Variants in ERBB4 observed in about 807,000 individuals in gnomAD.
ERBB4 encodes receptor tyrosine-protein kinase erbB-4.
ERBB4 carries 42 observed loss-of-function variants against 158.0 expected under a neutral mutation model. The ratio of observed to expected loss-of-function variants is 0.27; its 90% confidence interval spans 0.21 to 0.34. The LOEUF is 0.34. ERBB4 is among the 10% of genes least tolerant of loss of function. The pLI is 1.00. For synonymous variants in ERBB4, 583 were observed against 558.7 expected, an observed-to-expected ratio of 1.04 and a Z score of -0.61; for missense variants, 1,333 against 1,624.1, an observed-to-expected ratio of 0.82 and a Z score of 3.08.
At chr2:211,978,363 AGTCTGTCT>A (rs36173850) in intron 2 of ERBB4, among the ~76,000 whole-genome samples, 21 of 135,264 alleles carry the variant, frequency 1.6e-4, no homozygotes, top group Non-Finnish European at 2.6e-4. Context: ...AAGGAGTCTG[AGTCTGTCT>A]GTCTGTCTGT....
At chr2:211,724,788 T>C (rs2074214777) in intron 6 of ERBB4, among the ~76,000 whole-genome samples, 1 of 152,162 alleles carries the variant, frequency 6.6e-6, no homozygotes. Flanking sequence ...ACCGCATTAC[T>C]GGAAAGGATG....
intron 2 of ERBB4, among the ~76,000 whole-genome samples, chr2:212,006,529 A>G (rs2076263628): frequency 6.6e-6 from 1 of 152,096 alleles, no homozygotes; most frequent in South Asian, 2.1e-4. Flanking sequence ...ACTAAAAATT[A>G]TTAGGGGGTT....
chr2:212,491,661 C>T (rs1690286612), intron 1 of ERBB4, among the ~76,000 whole-genome samples: 1 of 151,486 alleles, frequency 6.6e-6, no homozygotes, highest in Non-Finnish European at 1.5e-5. Flanking sequence ...GAATTTTCTT[C>T]TTTCAAAATT....
At chr2:211,593,487 G>A (rs1312450958) in intron 19 of ERBB4, among the ~76,000 whole-genome samples, 1 of 152,128 alleles carries the variant, frequency 6.6e-6, no homozygotes, top group African/African-American at 2.4e-5. Context: ...ATGAGCTCAA[G>A]TTGTATCTCT....
intron 2 of ERBB4, among the ~76,000 whole-genome samples, chr2:212,117,784 G>T (rs2079615415): frequency 6.6e-6 from 1 of 151,626 alleles, no homozygotes; most frequent in Admixed American, 6.6e-5. Flanking sequence ...CCTCTCTAAT[G>T]TTTCTAAAAT....
intron 1 of ERBB4, among the ~76,000 whole-genome samples, chr2:212,436,790 T>C (rs1314241343): frequency 6.6e-6 from 1 of 152,048 alleles, no homozygotes; most frequent in Non-Finnish European, 1.5e-5. Context: ...CGAACCTTTC[T>C]CAAACCAAAG....
intron 3 of ERBB4, among the ~76,000 whole-genome samples, chr2:211,918,772 A>T (rs1054264406): frequency 6.6e-6 from 1 of 152,022 alleles, no homozygotes; most frequent in African/African-American, 2.4e-5. Context: ...ATTTTCCCCT[A>T]CTCTGGACCC....
At chr2:212,144,904 C>G (rs1222406313) in intron 1 of ERBB4, among the ~76,000 whole-genome samples, 1 of 152,010 alleles carries the variant, frequency 6.6e-6, no homozygotes, top group Non-Finnish European at 1.5e-5. Context: ...ATCTTAAAAC[C>G]AGAATTTTAA....
chr2:212,094,819 T>C (rs778421751), intron 2 of ERBB4, among the ~76,000 whole-genome samples: 2 of 152,182 alleles, frequency 1.3e-5, no homozygotes, highest in African/African-American at 2.4e-5. Context: ...TGGACTAACA[T>C]AGTCCATAAA....
rs2062572905 is a variant in ERBB4, at chr2:211,381,485, G to A, written c.*2130C>T. 1 of 231,580 alleles carries A rather than the reference G, an allele frequency of 4.3e-6. No homozygotes were observed. Among genetic ancestry groups the A allele is most frequent in the Admixed American group, 5.6e-5 (1 of 17,730 alleles). The allele number at this position is 231,580 out of a possible 1,614,324, so 14.3% of individuals were successfully genotyped here. Reference sequence around the variant, plus strand: ...TATCTTACAGTACAACTGATTATATGACAGCTATTCACAAAAGAGACTATG... The same window carrying A: ...TATCTTACAGTACAACTGATTATATAACAGCTATTCACAAAAGAGACTATG... On this transcript the variant is annotated 3_prime_UTR_variant, in exon 28 of 28. Transcript: ENST00000342788.
chr2:211,606,272 A>G (rs2125823489), intron 19 of ERBB4, among the ~76,000 whole-genome samples: 1 of 152,166 alleles, frequency 6.6e-6, no homozygotes, highest in East Asian at 1.9e-4. Flanking sequence ...TTTCATTCTC[A>G]TTTGTAAACG....
At chr2:211,495,375 G>A (rs185768856) in intron 20 of ERBB4, among the ~76,000 whole-genome samples, 28 of 151,832 alleles carry the variant, frequency 1.8e-4, no homozygotes, top group South Asian at 2.1e-4. Flanking sequence ...ATAATAATTC[G>A]CCTTTTGTGT....
rs192701668 is a variant in ERBB4 at position 211,735,917 on chromosome 2, C to T, written c.623-10723G>A. Among the ~76,000 whole-genome samples the T allele has an allele frequency of 2.8e-3, 432 of 151,998 alleles. 3 individuals are homozygous for T. Among genetic ancestry groups the T allele is most frequent in the African/African-American group, 0.01 (419 of 41,462 alleles). On this transcript the variant is annotated intron_variant, in intron 5 of 27. Coordinates refer to ENST00000342788, the MANE Select transcript of ERBB4 (RefSeq NM_005235.3). Reference sequence around the variant, plus strand: ...TCTGTAATCCCAGCACTTTGGGAGGCTGAGGCAGGAGGATCTCTTGAGCCC... The same window carrying T: ...TCTGTAATCCCAGCACTTTGGGAGGTTGAGGCAGGAGGATCTCTTGAGCCC...
chr2:211,783,789 T>G (rs2076091109), intron 4 of ERBB4, among the ~76,000 whole-genome samples: 1 of 152,222 alleles, frequency 6.6e-6, no homozygotes, highest in Non-Finnish European at 1.5e-5. Context: ...ATTGAGGATT[T>G]TTGCATCAAT....
chr2:211,562,197 C>A (rs917627354), intron 19 of ERBB4, 109 bp from the exon 20 acceptor site: 3 of 833,310 alleles, frequency 3.6e-6, no homozygotes, highest in Non-Finnish European at 6.0e-6. Flanking sequence ...TACTCTTACT[C>A]AATGGAATCA....
At chr2:212,022,892 T>G (rs962796491) in intron 2 of ERBB4, among the ~76,000 whole-genome samples, 2 of 152,142 alleles carry the variant, frequency 1.3e-5, no homozygotes, top group Non-Finnish European at 2.9e-5. Context: ...ATTTATGCAA[T>G]TAGATGACAC....
chr2:212,470,252 C>A (rs1268868818), intron 1 of ERBB4, among the ~76,000 whole-genome samples: 1 of 152,054 alleles, frequency 6.6e-6, no homozygotes, highest in Non-Finnish European at 1.5e-5. Context: ...GTTCTTACAA[C>A]ACATCTATCT....
At chr2:211,578,549 A>G (rs1160085447) in intron 19 of ERBB4, among the ~76,000 whole-genome samples, 1 of 152,222 alleles carries the variant, frequency 6.6e-6, no homozygotes, top group Non-Finnish European at 1.5e-5. Flanking sequence ...CTAGACTTCA[A>G]ACTATATTAC....
chr2:211,732,617 A>G (rs1018495358), intron 5 of ERBB4, among the ~76,000 whole-genome samples: 1 of 152,170 alleles, frequency 6.6e-6, no homozygotes, highest in Admixed American at 6.5e-5. Flanking sequence ...AAACATAGCA[A>G]ATAGCTGTAC....
Sources: gnomAD v4.1 joint callset for allele counts (sites outside exome capture counted in the v4.1 genomes callset) on GRCh38, gnomAD v4.1.1 for gene constraint, MANE v1.5 for transcripts, NCBI Gene and HGNC (gene_info 2026-07-23, HGNC 2026-07-21) for gene names.